ASIC2: variants seen among roughly 807,000 people sequenced by gnomAD.
ASIC2 encodes the protein acid sensing ion channel subunit 2.
ASIC2 carries 25 observed loss-of-function variants against 57.3 expected under a neutral mutation model. The ratio of observed to expected loss-of-function variants is 0.44; its 90% CI spans 0.32 to 0.61. The LOEUF (loss-of-function observed/expected upper bound fraction) is 0.61, where lower values mean the gene tolerates loss of function less well. ASIC2 is among the 20% of genes least tolerant of loss of function. The probability of loss-of-function intolerance (pLI) is 0.06; values close to 1 mark genes in which losing one functional copy is unlikely to be tolerated. For missense variants in ASIC2, 641 were observed against 738.1 expected (o/e 0.87, Z 1.52); for synonymous variants, 319 against 307.5 (o/e 1.04, Z -0.39).
intron 1 of ASIC2, among the ~76,000 whole-genome samples, chr17:34,011,033 G>GCACACACA (rs1555580928): frequency 2.1e-3 from 6 of 2,834 alleles, no homozygotes; most frequent in Admixed American, 4.4e-3. Context: ...TCAGACACAT[G>GCACACACA]CACACACACA....
At chr17:33,551,333 A>C (rs1288839725) in intron 1 of ASIC2, among the ~76,000 whole-genome samples, 1 of 149,124 alleles carries the variant, frequency 6.7e-6, no homozygotes, top group African/African-American at 2.6e-5. Context: ...ATGAGGTTGC[A>C]GCCAGAGGTC....
chr17:34,116,100 T>C (rs1567827727), intron 1 of ASIC2, among the ~76,000 whole-genome samples: 1 of 152,170 alleles, frequency 6.6e-6, no homozygotes, highest in Admixed American at 6.5e-5. Context: ...CTTGACAAAG[T>C]CACAGAGAAA....
intron 1 of ASIC2, among the ~76,000 whole-genome samples, chr17:33,224,815 C>T (rs1410573809): frequency 6.6e-6 from 1 of 152,150 alleles, no homozygotes; most frequent in Non-Finnish European, 1.5e-5. Flanking sequence ...GATCATGTTG[C>T]CCTATACCCA....
At chr17:33,739,806 A>T (rs2881778) in intron 1 of ASIC2, among the ~76,000 whole-genome samples, 3 of 147,142 alleles carry the variant, frequency 2.0e-5, no homozygotes, top group Non-Finnish European at 3.0e-5. Context: ...GAAAGAAAGA[A>T]AGAAAGAGAG....
chr17:33,673,243 T>A (rs947311891), intron 1 of ASIC2, among the ~76,000 whole-genome samples: 9 of 152,078 alleles, frequency 5.9e-5, no homozygotes, highest in African/African-American at 2.2e-4. Flanking sequence ...GGAGACCATT[T>A]CATTTTAACT....
intron 1 of ASIC2, among the ~76,000 whole-genome samples, chr17:34,049,128 C>CA (rs1908447858): frequency 6.6e-6 from 1 of 152,006 alleles, no homozygotes; most frequent in Admixed American, 6.6e-5. Flanking sequence ...ACTGTCCCTA[C>CA]AAAAAAATTA....
intron 1 of ASIC2, among the ~76,000 whole-genome samples, chr17:33,568,944 T>C (rs941488319): frequency 6.6e-6 from 1 of 152,232 alleles, no homozygotes; most frequent in East Asian, 1.9e-4. Flanking sequence ...GAAAGGCAGA[T>C]GGCAGGCTCA....
At chr17:33,121,348 G>T (rs978630022) in intron 1 of ASIC2, among the ~76,000 whole-genome samples, 1 of 152,226 alleles carries the variant, frequency 6.6e-6, no homozygotes, top group African/African-American at 2.4e-5. Flanking sequence ...CAGTGGGGAG[G>T]GTGGCCTGCA....
chr17:33,028,826 C>T (rs1353247948), intron 3 of ASIC2, among the ~76,000 whole-genome samples: 6 of 152,204 alleles, frequency 3.9e-5, no homozygotes, highest in African/African-American at 1.4e-4. Context: ...TGGTTTGAGA[C>T]ATTGGAATCC....
chr17:33,479,288 C>T (rs1913325969), intron 1 of ASIC2, among the ~76,000 whole-genome samples: 1 of 152,102 alleles, frequency 6.6e-6, no homozygotes, highest in Non-Finnish European at 1.5e-5. Flanking sequence ...CATGAGCCAC[C>T]ACGTCCGGCC....
At chr17:33,095,254 G>T (rs1031450748) in intron 2 of ASIC2, among the ~76,000 whole-genome samples, 2 of 152,102 alleles carry the variant, frequency 1.3e-5, no homozygotes, top group South Asian at 2.1e-4. Context: ...CATGTAGACT[G>T]GCCCCTCCTC....
intron 1 of ASIC2, among the ~76,000 whole-genome samples, chr17:33,507,037 T>C (rs1914284795): frequency 6.6e-6 from 1 of 152,152 alleles, no homozygotes; most frequent in African/African-American, 2.4e-5. Flanking sequence ...TAGTCTTCAC[T>C]GGGGCAGGGT....
intron 2 of ASIC2, among the ~76,000 whole-genome samples, chr17:33,102,626 C>T (rs988968603): frequency 6.6e-6 from 1 of 152,148 alleles, no homozygotes; most frequent in South Asian, 2.1e-4. Flanking sequence ...TCTAGAATAG[C>T]TTCCTGGATG....
At chr17:33,374,057 A>T (rs1424335558) in intron 1 of ASIC2, among the ~76,000 whole-genome samples, 9 of 151,988 alleles carry the variant, frequency 5.9e-5, no homozygotes, top group Non-Finnish European at 1.3e-4. Context: ...GCACAGTAGC[A>T]TGATCTTGGC....
At chr17:34,041,173 G>C (rs893555642) in intron 1 of ASIC2, 3 of 152,254 alleles carry the variant, frequency 2.0e-5, no homozygotes, top group Admixed American at 6.5e-5. Flanking sequence ...TGCTGAGAAA[G>C]AGAAGGCTCT....
chr17:34,152,568 T>C (rs11080255), intron 1 of ASIC2, among the ~76,000 whole-genome samples: 55,671 of 151,954 alleles, frequency 0.37, 10,283 homozygotes, highest in Middle Eastern at 0.46. Context: ...CTGACTCCTG[T>C]GAATAGCCCG....
At chr17:33,047,122 G>A (rs2091958606) in intron 3 of ASIC2, among the ~76,000 whole-genome samples, 1 of 152,234 alleles carries the variant, frequency 6.6e-6, no homozygotes, top group Admixed American at 6.5e-5. Flanking sequence ...GATCTTTTCA[G>A]TGGGGGAATA....
chr17:33,836,069 T>C (rs111794259), intron 1 of ASIC2, among the ~76,000 whole-genome samples: 10 of 146,450 alleles, frequency 6.8e-5, no homozygotes, highest in Admixed American at 1.4e-4. Context: ...ATTATATATA[T>C]ACACACACAC....
At chr17:33,699,954 G>A (rs1430772264) in intron 1 of ASIC2, among the ~76,000 whole-genome samples, 34 of 151,888 alleles carry the variant, frequency 2.2e-4, no homozygotes, top group Admixed American at 2.2e-3. Flanking sequence ...ATAAAGTATC[G>A]TAAATATATT....
Sources: allele counts gnomAD v4.1 joint callset (sites outside exome capture counted in the v4.1 genomes callset), GRCh38; gene constraint gnomAD v4.1.1; transcripts MANE v1.5; gene names NCBI Gene and HGNC (gene_info 2026-07-23, HGNC 2026-07-21).